The following CDH12 variants were observed in gnomAD, a reference collection of about 807,000 sequenced individuals.
The protein encoded by CDH12 is cadherin 12, also known as cadherin-12.
In CDH12, 41 loss-of-function variants were observed where a neutral mutation model predicts 74.1. That is an observed-to-expected ratio of 0.55 (90% CI 0.43 to 0.72). The LOEUF is 0.72. Ranked by LOEUF, CDH12 falls within the 30% of genes least tolerant of loss-of-function variation. The pLI is 0.00. For synonymous variants in CDH12, 399 were observed against 355.0 expected, an observed-to-expected ratio of 1.12 and a Z score of -1.39; for missense variants, 945 against 977.2, an observed-to-expected ratio of 0.97 and a Z score of 0.44.
chr5:21,829,296 AT>A (rs1312372493), intron 8 of CDH12, among the ~76,000 whole-genome samples: 1 of 152,196 alleles, frequency 6.6e-6, no homozygotes, highest in Non-Finnish European at 1.5e-5. Context: ...GAGAGATTCC[AT>A]TTCAAAATAA....
intron 7 of CDH12, among the ~76,000 whole-genome samples, chr5:21,852,394 C>A (rs1360754517): frequency 6.6e-6 from 1 of 151,202 alleles, no homozygotes; most frequent in Non-Finnish European, 1.5e-5. Context: ...TACATATTCA[C>A]GTACTGTATG....
At chr5:22,755,442 A>G (rs1463746388) in intron 1 of CDH12, among the ~76,000 whole-genome samples, 2 of 152,152 alleles carry the variant, frequency 1.3e-5, no homozygotes, top group Admixed American at 6.5e-5. Flanking sequence ...TTCTTAGTCA[A>G]TGTGTCACAG....
chr5:22,567,011 G>A (rs534028243), intron 1 of CDH12, among the ~76,000 whole-genome samples: 1 of 152,166 alleles, frequency 6.6e-6, no homozygotes, highest in Non-Finnish European at 1.5e-5. Flanking sequence ...ATGAGAGGTG[G>A]CTAAGGCACT....
intron 11 of CDH12, among the ~76,000 whole-genome samples, chr5:21,766,222 C>T (rs746519850): frequency 6.6e-6 from 1 of 151,884 alleles, no homozygotes; most frequent in Non-Finnish European, 1.5e-5. Context: ...ACATAACAAG[C>T]GTTTGACACA....
chr5:22,757,968 C>A (rs117066365), intron 1 of CDH12, among the ~76,000 whole-genome samples: 1 of 152,186 alleles, frequency 6.6e-6, no homozygotes, highest in East Asian at 1.9e-4. Context: ...AGGCTCCCAG[C>A]AGACTTTTAT....
intron 4 of CDH12, among the ~76,000 whole-genome samples, chr5:22,098,896 C>T (rs564242540): frequency 6.6e-6 from 1 of 152,276 alleles, no homozygotes; most frequent in Admixed American, 6.5e-5. Flanking sequence ...AAGCCACTAG[C>T]CTGCCTCTTA....
rs1181490495 is a variant in CDH12 at position 21,981,473 on chromosome 5, A to C, written c.232-6088T>G. ...ATTTAAAAGTAGGTTGTAGATACAA[A>C]TAACCATCACCCTAACACCCTTCAA... On this transcript the variant is annotated intron_variant, in intron 5 of 14. Coordinates refer to ENST00000382254, the MANE Select transcript of CDH12 (RefSeq NM_004061.5). Among the ~76,000 whole-genome samples the C allele has an allele frequency of 2.6e-5, 4 of 152,200 alleles. No individual in the cohort carries two copies. The East Asian group carries it at 7.7e-4, about 29-fold the overall frequency.
intron 2 of CDH12, among the ~76,000 whole-genome samples, chr5:22,466,962 T>C (rs1183376776): frequency 6.6e-6 from 1 of 151,378 alleles, no homozygotes; most frequent in African/African-American, 2.4e-5. Flanking sequence ...CTAATTTTTG[T>C]ATTTTTAGTA....
At position 22,247,714 on chromosome 5, in the gene CDH12, G is replaced by A. The variant is rs144237554; in HGVS notation, c.-332-35071C>T. Among the ~76,000 whole-genome samples, 554 of 152,084 alleles carry A rather than the reference G, an allele frequency of 3.6e-3. 8 individuals are homozygous for A. Among genetic ancestry groups the A allele is most frequent in the African/African-American group, 0.013 (523 of 41,512 alleles). The stretch of plus-strand genomic sequence containing the variant: ...AAAGAAAAGTATTTGGTAACTTTGA[G>A]TTATAGCTTTTCTCCATATTCATAA... On this transcript the variant is annotated intron_variant, in intron 3 of 14. Coordinates refer to ENST00000382254, the MANE Select transcript of CDH12 (RefSeq NM_004061.5).
At chr5:22,812,040 G>A (rs1215454553) in intron 1 of CDH12, among the ~76,000 whole-genome samples, 6 of 152,104 alleles carry the variant, frequency 3.9e-5, no homozygotes, top group Non-Finnish European at 8.8e-5. Context: ...TTTTTATTGG[G>A]CTGGATTTTA....
chr5:22,037,116 C>T (rs1400043590), intron 5 of CDH12, among the ~76,000 whole-genome samples: 6 of 152,058 alleles, frequency 3.9e-5, no homozygotes, highest in African/African-American at 1.4e-4. Flanking sequence ...GGCGGCAAGC[C>T]GTAAAGCTTG....
At position 22,524,055 on chromosome 5, in the gene CDH12, C is replaced by G. The variant is rs376301602; in HGVS notation, c.-522-18691G>C. ...TCAGTGCAGTGGAGCCATTACGGCT[C>G]ACTGCAGCCTTGACCTCCCTGGGCT... On this transcript the variant is annotated intron_variant, in intron 1 of 14. Coordinates refer to ENST00000382254, the MANE Select transcript of CDH12 (RefSeq NM_004061.5). Among the ~76,000 whole-genome samples, 44 of 151,120 alleles carry G rather than the reference C, an allele frequency of 2.9e-4. No individual in the cohort carries two copies. In the East Asian group the frequency reaches 3.1e-3, roughly 11 times the overall value.
chr5:22,819,936 T>A (rs1315374940), intron 1 of CDH12, among the ~76,000 whole-genome samples: 1 of 147,824 alleles, frequency 6.8e-6, no homozygotes, highest in Non-Finnish European at 1.5e-5. Context: ...TAGATGTGTG[T>A]GTATGTATGT....
chr5:21,788,440 T>C (rs1485379194), intron 10 of CDH12, among the ~76,000 whole-genome samples: 1 of 152,036 alleles, frequency 6.6e-6, no homozygotes, highest in Non-Finnish European at 1.5e-5. Flanking sequence ...CTGAGAAGCA[T>C]AATGACATGG....
chr5:22,104,160 A>G (rs532916116), intron 4 of CDH12, among the ~76,000 whole-genome samples: 1 of 152,332 alleles, frequency 6.6e-6, no homozygotes, highest in Non-Finnish European at 1.5e-5. Flanking sequence ...GTAAATAGAT[A>G]TCATACCTAC....
At chr5:22,587,311 A>C (rs2126793321) in intron 1 of CDH12, among the ~76,000 whole-genome samples, 1 of 152,176 alleles carries the variant, frequency 6.6e-6, no homozygotes, top group African/African-American at 2.4e-5. Context: ...AGATCCAGTC[A>C]CCTCGACCTT....
intron 1 of CDH12, among the ~76,000 whole-genome samples, chr5:22,562,771 G>C (rs964228832): frequency 6.6e-6 from 1 of 151,158 alleles, no homozygotes; most frequent in African/African-American, 2.4e-5. Context: ...GGAAGAAAGA[G>C]AGACAAAACA....
chr5:22,274,023 AATAATGAAAAT>A (rs1394963652), intron 3 of CDH12, among the ~76,000 whole-genome samples: 2 of 152,182 alleles, frequency 1.3e-5, no homozygotes, highest in Non-Finnish European at 2.9e-5. Flanking sequence ...CTATGAATAC[AATAATGAAAAT>A]ATAATATTAC....
At chr5:22,205,600 A>T (rs1233513790) in intron 4 of CDH12, among the ~76,000 whole-genome samples, 2 of 152,148 alleles carry the variant, frequency 1.3e-5, no homozygotes, top group Non-Finnish European at 2.9e-5. Context: ...AAAGGGAGAA[A>T]AGTTTAAATA....
Sources: gnomAD v4.1 joint callset for allele counts (sites outside exome capture counted in the v4.1 genomes callset) on GRCh38, gnomAD v4.1.1 for gene constraint, MANE v1.5 for transcripts, NCBI Gene and HGNC (gene_info 2026-07-23, HGNC 2026-07-21) for gene names.